Variants in VWA8 observed in about 807,000 individuals in gnomAD.
VWA8 encodes the protein von Willebrand factor A domain containing 8.
Under a neutral mutation model 241.5 loss-of-function variants are expected in VWA8, and 221 were observed. That is an observed-to-expected ratio of 0.91 (90% confidence interval 0.82 to 1.02). The LOEUF (loss-of-function observed/expected upper bound fraction) is 1.02. Ranked by LOEUF, VWA8 falls within the 50% of genes least tolerant of loss-of-function variation. The probability of loss-of-function intolerance (pLI) is 0.00; values close to 1 mark genes in which losing one functional copy is unlikely to be tolerated. For missense variants in VWA8, 2,322 were observed against 2,328.7 expected (o/e 1.00, Z 0.06); for synonymous variants, 852 against 827.1 (o/e 1.03, Z -0.52).
At chr13:41,727,021 C>T (rs1358165984) in intron 24 of VWA8, among the ~76,000 whole-genome samples, 173 bp downstream of exon 24, 2 of 151,850 alleles carry the variant, frequency 1.3e-5, no homozygotes, top group Non-Finnish European at 2.9e-5. Context: ...AAACAAAAAC[C>T]TCTCTGAATA....
chr13:41,625,897 C>T (rs1412864569), intron 37 of VWA8, among the ~76,000 whole-genome samples: 2 of 151,792 alleles, frequency 1.3e-5, no homozygotes, highest in Non-Finnish European at 2.9e-5. Context: ...GAATACTATG[C>T]AGCCATAAAA....
intron 26 of VWA8, among the ~76,000 whole-genome samples, chr13:41,707,333 G>C (rs1420184380): frequency 1.3e-5 from 2 of 152,024 alleles, no homozygotes; most frequent in Non-Finnish European, 2.9e-5. Flanking sequence ...TACTATTTTT[G>C]GAATATGAAA....
At chr13:41,603,206 C>A (rs1209905237) in intron 40 of VWA8, among the ~76,000 whole-genome samples, 2 of 152,126 alleles carry the variant, frequency 1.3e-5, no homozygotes, top group African/African-American at 4.8e-5. Flanking sequence ...AGTTTTCATT[C>A]ATTCCTCTTT....
At chr13:41,711,671 G>A (rs1264899118) in intron 26 of VWA8, among the ~76,000 whole-genome samples, 3 of 152,062 alleles carry the variant, frequency 2.0e-5, no homozygotes, top group Non-Finnish European at 4.4e-5. Flanking sequence ...TCAGGAGATC[G>A]AGACCATCCT....
intron 29 of VWA8, among the ~76,000 whole-genome samples, chr13:41,695,132 C>A (rs559907093): frequency 6.6e-6 from 1 of 151,988 alleles, no homozygotes; most frequent in African/African-American, 2.4e-5. Flanking sequence ...GGAGGAGACG[C>A]GAGTGAGCAA....
chr13:41,683,381 A>G (rs2045113927), intron 35 of VWA8, among the ~76,000 whole-genome samples: 1 of 152,194 alleles, frequency 6.6e-6, no homozygotes, highest in Non-Finnish European at 1.5e-5. Flanking sequence ...TTCCATTTAT[A>G]TAATATTCTG....
chr13:41,675,369 C>A, intron 35 of VWA8, 73 bp from the exon 36 acceptor site: 1 of 1,137,332 alleles, frequency 8.8e-7, no homozygotes, highest in South Asian at 1.3e-5. Context: ...AAAGTGGAAT[C>A]AAGTTATCTG....
At chr13:41,947,394 T>A (rs1261596466) in intron 2 of VWA8, among the ~76,000 whole-genome samples, 1 of 152,200 alleles carries the variant, frequency 6.6e-6, no homozygotes, top group Non-Finnish European at 1.5e-5. Flanking sequence ...AGGATGGACC[T>A]TTGTTCCCAA....
chr13:41,639,604 T>C (rs1419372268), intron 37 of VWA8, among the ~76,000 whole-genome samples: 1 of 152,190 alleles, frequency 6.6e-6, no homozygotes, highest in Non-Finnish European at 1.5e-5. Flanking sequence ...GTTACATAAA[T>C]CTTATGTCAA....
At chr13:41,619,287 T>C (rs1248067799) in intron 37 of VWA8, among the ~76,000 whole-genome samples, 5 of 152,208 alleles carry the variant, frequency 3.3e-5, no homozygotes, top group African/African-American at 1.2e-4. Flanking sequence ...TATTGGTGTA[T>C]AGGAATGCTT....
chr13:41,680,133 T>A (rs576269389), intron 35 of VWA8, among the ~76,000 whole-genome samples: 9 of 152,308 alleles, frequency 5.9e-5, no homozygotes, highest in African/African-American at 2.2e-4. Flanking sequence ...ACAGCTTTGC[T>A]ATGTCTTATA....
intron 37 of VWA8, among the ~76,000 whole-genome samples, chr13:41,644,276 C>CAA (rs35292365): frequency 1.4e-5 from 2 of 141,408 alleles, no homozygotes. Flanking sequence ...CCACCCCCGC[C>CAA]AAAAAAAAAA....
Position 41,587,416 on chromosome 13 carries a change from G to A in VWA8, c.5271+96C>T. ...GCACTGATGAATGAGCTGGTGAGAG[G>A]ATGAAGATTTTCATTCACTCTGGAT... On this transcript the variant is annotated intron_variant, in intron 42 of 44. Transcript: ENST00000379310. 4 of 1,495,260 alleles carry A rather than the reference G, an allele frequency of 2.7e-6. No homozygotes were observed. The South Asian group carries it at 5.0e-5, about 19-fold the overall frequency. 92.6% of individuals were successfully genotyped at this position (1,495,260 alleles called of 1,614,324 possible).
intron 38 of VWA8, among the ~76,000 whole-genome samples, chr13:41,612,640 T>C (rs910880418): frequency 2.0e-5 from 3 of 152,208 alleles, no homozygotes; most frequent in African/African-American, 4.8e-5. Context: ...CTTTGGGCTA[T>C]AAGATTGTTA....
chr13:41,637,479 G>C (rs550085950), intron 37 of VWA8, among the ~76,000 whole-genome samples: 2 of 150,416 alleles, frequency 1.3e-5, no homozygotes, highest in African/African-American at 4.9e-5. Context: ...CGAGTTAATG[G>C]GTGCAGCACA....
intron 2 of VWA8, among the ~76,000 whole-genome samples, chr13:41,922,231 A>T (rs1330775889): frequency 6.6e-6 from 1 of 152,264 alleles, no homozygotes; most frequent in East Asian, 1.9e-4. Flanking sequence ...GGCTAGCCAC[A>T]GGTAGAAAGC....
At chr13:41,761,319 G>A in intron 20 of VWA8, 115 bp from the exon 21 acceptor site, 1 of 1,003,876 alleles carries the variant, frequency 1.0e-6, no homozygotes, top group East Asian at 2.5e-5. Flanking sequence ...TACTGTTTTA[G>A]TTTATTGTTC....
chr13:41,640,532 A>G (rs567873832), intron 37 of VWA8, among the ~76,000 whole-genome samples: 2 of 152,258 alleles, frequency 1.3e-5, no homozygotes, highest in African/African-American at 4.8e-5. Flanking sequence ...AATCATTCAG[A>G]GTGTTGGTAG....
At chr13:41,868,709 C>A (rs1006454641) in intron 9 of VWA8, among the ~76,000 whole-genome samples, 3 of 151,610 alleles carry the variant, frequency 2.0e-5, no homozygotes, top group South Asian at 2.1e-4. Flanking sequence ...CACGGTGAAA[C>A]CCCGTCTCTA....
Sources: gnomAD v4.1 joint callset for allele counts (sites outside exome capture counted in the v4.1 genomes callset) on GRCh38, gnomAD v4.1.1 for gene constraint, MANE v1.5 for transcripts, NCBI Gene and HGNC (gene_info 2026-07-23, HGNC 2026-07-21) for gene names.